The following MALRD1 variants were observed in gnomAD, a reference collection of about 807,000 sequenced individuals.
MALRD1 encodes MAM and LDL-receptor class A domain-containing protein 1.
Under a neutral mutation model 242.1 loss-of-function variants are expected in MALRD1, and 247 were observed. The ratio of observed to expected loss-of-function variants is 1.02; its 90% CI spans 0.92 to 1.13. The LOEUF is 1.13. Ranked by LOEUF, MALRD1 falls within the 50% of genes most tolerant of loss-of-function variation. MALRD1 has a pLI of 0.00. For synonymous variants in MALRD1, 995 were observed against 866.6 expected (o/e 1.15, Z -2.60); for missense variants, 2,989 against 2,533.1 (o/e 1.18, Z -3.86).
At chr10:19,500,064 G>A (rs886656868) in intron 31 of MALRD1, among the ~76,000 whole-genome samples, 10 of 152,120 alleles carry the variant, frequency 6.6e-5, no homozygotes, top group African/African-American at 2.4e-4. Flanking sequence ...ATATTGGCCT[G>A]TAGTTTACTT....
At chr10:19,176,610 A>G (rs996008023) in intron 14 of MALRD1, among the ~76,000 whole-genome samples, 1 of 150,284 alleles carries the variant, frequency 6.7e-6, no homozygotes, top group Non-Finnish European at 1.5e-5. Context: ...TCCTGACCTC[A>G]TGATCCACCC....
chr10:19,719,670 T>G (rs925663287), intron 38 of MALRD1, among the ~76,000 whole-genome samples: 1 of 152,182 alleles, frequency 6.6e-6, no homozygotes, highest in Non-Finnish European at 1.5e-5. Flanking sequence ...GCATTTCTGG[T>G]TGTGTTTGCA....
intron 2 of MALRD1, among the ~76,000 whole-genome samples, chr10:19,083,939 G>A (rs1835577398): frequency 6.6e-6 from 1 of 151,876 alleles, no homozygotes; most frequent in Admixed American, 6.6e-5. Flanking sequence ...TTCATTTTGT[G>A]GGGGAAAAAG....
intron 12 of MALRD1, among the ~76,000 whole-genome samples, chr10:19,157,987 G>C (rs1236114374): frequency 6.6e-6 from 1 of 152,204 alleles, no homozygotes; most frequent in East Asian, 1.9e-4. Context: ...TCAAGATGCA[G>C]ACTTTAATTT....
chr10:19,668,720 A>G (rs544386935), intron 36 of MALRD1, among the ~76,000 whole-genome samples: 1 of 152,296 alleles, frequency 6.6e-6, no homozygotes, highest in Non-Finnish European at 1.5e-5. Flanking sequence ...ACAACACTCA[A>G]AAATTTTAGA....
intron 7 of MALRD1, among the ~76,000 whole-genome samples, chr10:19,126,161 C>A (rs1027822389): frequency 2.8e-4 from 43 of 151,834 alleles, no homozygotes; most frequent in Non-Finnish European, 6.2e-4. Flanking sequence ...TAGTTTAATG[C>A]AGATTTTAAA....
chr10:19,454,813 A>G (rs1589106470), intron 29 of MALRD1, among the ~76,000 whole-genome samples: 1 of 151,888 alleles, frequency 6.6e-6, no homozygotes, highest in Non-Finnish European at 1.5e-5. Context: ...TGCAAATAGG[A>G]AAGCTATTTA....
chr10:19,453,711 A>G lies in MALRD1; in HGVS notation c.5029+3221A>G, dbSNP rs185425579. On this transcript the variant is annotated intron_variant, in intron 29 of 39. Coordinates refer to ENST00000454679, the MANE Select transcript of MALRD1 (RefSeq NM_001142308.3). ...GCCAACATGGTGAAACTCCAACTCT[A>G]CTAAAAATAGAAAAATTAGCTGGGC... 7.2e-5 allele frequency among the ~76,000 whole-genome samples: 11 copies of G among 152,004 alleles called. No individual in the cohort carries two copies. In the East Asian group the frequency reaches 2.1e-3, roughly 30 times the overall value.
chr10:19,178,707 T>C (rs1835364993), intron 14 of MALRD1, among the ~76,000 whole-genome samples: 1 of 152,188 alleles, frequency 6.6e-6, no homozygotes, highest in Admixed American at 6.5e-5. Context: ...GAGAGCCTGT[T>C]GTATGCTCTT....
intron 2 of MALRD1, among the ~76,000 whole-genome samples, chr10:19,071,442 G>T (rs1011591969): frequency 6.6e-6 from 1 of 151,928 alleles, no homozygotes; most frequent in African/African-American, 2.4e-5. Context: ...CACTCCATCT[G>T]CAGCTGCAGC....
At chr10:19,070,065 G>T (rs528280712) in intron 2 of MALRD1, among the ~76,000 whole-genome samples, 1 of 152,058 alleles carries the variant, frequency 6.6e-6, no homozygotes, top group African/African-American at 2.4e-5. Context: ...GGTTTTCAGC[G>T]TGCATAATTT....
In MALRD1 at chr10:19,449,596, ATC is replaced by A. The variant is rs560752733; in HGVS notation, c.4846-707_4846-706del. Reference sequence around the variant, plus strand: ...GAAGTCAAATAAAATATAGATAAAAATCTCTAAAAATTTTTTTGAGGGAAGCA... The same window carrying A: ...GAAGTCAAATAAAATATAGATAAAAATCTAAAAATTTTTTTGAGGGAAGCA... On this transcript the variant is annotated intron_variant, in intron 28 of 39. Transcript: ENST00000454679. Among the ~76,000 whole-genome samples, 15 of 152,286 alleles carry A rather than the reference ATC, an allele frequency of 9.8e-5. No homozygotes were observed. The South Asian group carries it at 3.1e-3, about 32-fold the overall frequency.
chr10:19,706,631 T>G lies in MALRD1; in HGVS notation c.6314+14077T>G, dbSNP rs118085464. Reference sequence around the variant, plus strand: ...CCTCCTAAAGTGCTAGGATTACAGGTATGAGCCACCACCTGTAATTTATGT... The same window carrying G: ...CCTCCTAAAGTGCTAGGATTACAGGGATGAGCCACCACCTGTAATTTATGT... On this transcript the variant is annotated intron_variant, in intron 38 of 39. Coordinates refer to ENST00000454679, the MANE Select transcript of MALRD1 (RefSeq NM_001142308.3). Among the ~76,000 whole-genome samples, 359 of 152,068 alleles carry G rather than the reference T, an allele frequency of 2.4e-3. 10 individuals carry two copies. The East Asian group carries it at 0.051, about 22-fold the overall frequency.
chr10:19,276,282 C>T (rs1010673238), intron 19 of MALRD1, among the ~76,000 whole-genome samples: 2 of 136,708 alleles, frequency 1.5e-5, no homozygotes, highest in Non-Finnish European at 3.1e-5. Context: ...CATGCATCTT[C>T]TAATGCATTT....
rs745364496 is a variant in MALRD1 at position 19,450,412 on chromosome 10, A to G, written c.4951A>G (p.Ile1651Val). The change falls in exon 29 of 40, where the codon ATA (isoleucine) becomes GTA (valine). Residue 1651 changes from isoleucine to valine, a missense_variant. Physicochemically the swap from Ile to Val is conservative, Grantham distance 29. Coordinates refer to ENST00000454679, the MANE Select transcript of MALRD1 (RefSeq NM_001142308.3). ...LLGKLRNFEV[I>V]FQGIRTRDLG... Reference sequence around the variant, plus strand: ...AGGAAAGTTAAGGAATTTTGAAGTCATATTTCAAGGTATCAGAACAAGGGA... The same window carrying G: ...AGGAAAGTTAAGGAATTTTGAAGTCGTATTTCAAGGTATCAGAACAAGGGA... 2 of 1,550,586 alleles carry G rather than the reference A, an allele frequency of 1.3e-6. No individual in the cohort carries two copies. Among genetic ancestry groups the G allele is most frequent in the South Asian group, 1.2e-5 (1 of 84,052 alleles).
At chr10:19,200,431 A>G (rs1325369966) in intron 14 of MALRD1, among the ~76,000 whole-genome samples, 1 of 152,194 alleles carries the variant, frequency 6.6e-6, no homozygotes, top group Admixed American at 6.5e-5. Context: ...ATGATGCGTT[A>G]GGAGGTATTT....
intron 24 of MALRD1, among the ~76,000 whole-genome samples, chr10:19,335,824 CT>C (rs988872851): frequency 6.6e-6 from 1 of 151,962 alleles, no homozygotes; most frequent in African/African-American, 2.4e-5. Context: ...TATTATTATA[CT>C]TTAAGTTCTG....
At chr10:19,552,426 A>AATATTAACCTT (rs1835520580) in intron 32 of MALRD1, among the ~76,000 whole-genome samples, 1 of 152,046 alleles carries the variant, frequency 6.6e-6, no homozygotes, top group East Asian at 1.9e-4. Context: ...TATTACCCTT[A>AATATTAACCTT]TCATTTCAGG....
intron 21 of MALRD1, among the ~76,000 whole-genome samples, chr10:19,306,068 ATATATAC>A (rs1842168323): frequency 8.3e-6 from 1 of 120,944 alleles, no homozygotes; most frequent in South Asian, 2.3e-4. Context: ...ATACTATACT[ATATATAC>A]TATATACTAT....
Sources: gnomAD v4.1 joint callset for allele counts (sites outside exome capture counted in the v4.1 genomes callset) on GRCh38, gnomAD v4.1.1 for gene constraint, MANE v1.5 for transcripts, NCBI Gene and HGNC (gene_info 2026-07-23, HGNC 2026-07-21) for gene names.